Variants in EBF3 observed in about 807,000 individuals in gnomAD.
EBF3 encodes the protein transcription factor COE3.
In EBF3, 18 loss-of-function variants were observed where a neutral mutation model predicts 77.1. That is an observed-to-expected ratio of 0.23 (90% CI 0.16 to 0.35). The LOEUF (loss-of-function observed/expected upper bound fraction) is 0.35. EBF3 is among the 10% of genes least tolerant of loss of function. The pLI, the probability that EBF3 is intolerant of heterozygous loss-of-function variation, is 1.00. For synonymous variants in EBF3, 350 were observed against 343.5 expected, an observed-to-expected ratio of 1.02 and a Z score of -0.21; for missense variants, 558 against 860.0, an observed-to-expected ratio of 0.65 and a Z score of 4.39.
At chr10:129,890,128 T>A (rs766803442) in intron 6 of EBF3, among the ~76,000 whole-genome samples, 1 of 151,544 alleles carries the variant, frequency 6.6e-6, no homozygotes, top group Non-Finnish European at 1.5e-5. Flanking sequence ...ATCAGGGAGG[T>A]CTCTGGGAAC....
intron 6 of EBF3, among the ~76,000 whole-genome samples, chr10:129,900,404 G>C (rs1275704139): frequency 6.6e-6 from 1 of 152,132 alleles, no homozygotes; most frequent in Non-Finnish European, 1.5e-5. Context: ...GGGTAGGAGG[G>C]GGCTGGAGAG....
At chr10:129,907,246 G>A (rs748070780) in intron 6 of EBF3, among the ~76,000 whole-genome samples, 1 of 152,226 alleles carries the variant, frequency 6.6e-6, no homozygotes, top group Non-Finnish European at 1.5e-5. Flanking sequence ...GGGAGACCCT[G>A]GGCGAGGGCG....
At chr10:129,862,566 G>C (rs1851717540) in intron 10 of EBF3, among the ~76,000 whole-genome samples, 1 of 152,164 alleles carries the variant, frequency 6.6e-6, no homozygotes, top group Non-Finnish European at 1.5e-5. Context: ...CACGTCCCCA[G>C]GGTCCCATGA....
At position 129,848,502 on chromosome 10, in the gene EBF3, T is replaced by G. The variant is rs1435717642; in HGVS notation, c.1040-22A>C. The G allele has an allele frequency of 5.0e-6, 8 of 1,611,436 alleles. No homozygotes were observed. The African/African-American group carries it at 8.0e-5, about 16-fold the overall frequency. On this transcript the variant is annotated intron_variant, in intron 10 of 16. Transcript: ENST00000440978. The surrounding 1 kb of genome is among the most constrained non-coding windows in gnomAD (Gnocchi z 4.4). ...AGGGCTGCAACAGGACACAGAAATG[T>G]AGATCAGGTTAATTACTTTTATGTC...
At chr10:129,873,181 G>C (rs545564493) in intron 8 of EBF3, among the ~76,000 whole-genome samples, 16 of 152,328 alleles carry the variant, frequency 1.1e-4, no homozygotes, top group Admixed American at 5.2e-4. Context: ...AATTAAAATC[G>C]CAAGAAAAGC....
intron 10 of EBF3, among the ~76,000 whole-genome samples, chr10:129,853,937 A>C (rs1465903338): frequency 6.6e-6 from 1 of 152,204 alleles, no homozygotes; most frequent in East Asian, 1.9e-4. Context: ...TGAGCAAATG[A>C]TTGTGCGGTG....
chr10:129,857,791 T>G lies in EBF3; in HGVS notation c.1040-9311A>C, dbSNP rs369754761. Among the ~76,000 whole-genome samples, 93 of 152,224 alleles carry G rather than the reference T, an allele frequency of 6.1e-4. No individual in the cohort carries two copies. The East Asian group carries it at 0.012, about 20-fold the overall frequency. ...GTCACCCCACCTGATACCCCCACCA[T>G]GAGCGCCTATGAGAACCAGTAGCTT... On this transcript the variant is annotated intron_variant, in intron 10 of 16. Coordinates refer to ENST00000440978, the MANE Select transcript of EBF3 (RefSeq NM_001375380.1).
At chr10:129,927,153 G>A (rs1033784693) in intron 6 of EBF3, among the ~76,000 whole-genome samples, 5 of 152,176 alleles carry the variant, frequency 3.3e-5, no homozygotes, top group Non-Finnish European at 7.3e-5. Context: ...AACCGACCAG[G>A]CTCCCGGGCG....
rs889417117 is a variant in EBF3, at chr10:129,938,292, C to A, written c.554+18966G>T. ...CAATGGCTCTCATCTATAGTCCCAG[C>A]ACTTTGGAAGGCCAAGGGAGGCAGA... On this transcript the variant is annotated intron_variant, in intron 6 of 16. Transcript: ENST00000440978. This position sits in a 1 kb window ranked among gnomAD's most constrained non-coding sequence, Gnocchi z 5.1. Among the ~76,000 whole-genome samples the A allele has an allele frequency of 6.6e-6, 1 of 151,482 alleles. No individual in the cohort carries two copies. The highest frequency in any genetic ancestry group is 1.5e-5 in the Non-Finnish European group (1 of 67,972).
intron 16 of EBF3, among the ~76,000 whole-genome samples, chr10:129,838,807 A>T (rs1260264531): frequency 7.2e-5 from 11 of 152,230 alleles, no homozygotes; most frequent in Non-Finnish European, 1.6e-4. Context: ...TTCTCAGTTC[A>T]TTAATTTCAA....
intron 8 of EBF3, among the ~76,000 whole-genome samples, chr10:129,872,390 AAC>A (rs1852463144): frequency 6.6e-6 from 1 of 151,576 alleles, no homozygotes; most frequent in Non-Finnish European, 1.5e-5. Context: ...AATGTAGAAA[AAC>A]AAATTAGTTT....
intron 12 of EBF3, 80 bp downstream of exon 12, chr10:129,843,056 GC>G: frequency 2.2e-6 from 3 of 1,393,092 alleles, no homozygotes; most frequent in Non-Finnish European, 3.0e-6. Flanking sequence ...TGTCCAGAAA[GC>G]CCACACTGGA....
intron 7 of EBF3, among the ~76,000 whole-genome samples, chr10:129,874,410 T>C (rs1852614269): frequency 6.6e-6 from 1 of 152,176 alleles, no homozygotes; most frequent in East Asian, 1.9e-4. Flanking sequence ...GGGATGGCCT[T>C]GCAGACTCCA....
chr10:129,948,447 C>T (rs1406041434), intron 6 of EBF3, among the ~76,000 whole-genome samples: 2 of 152,000 alleles, frequency 1.3e-5, no homozygotes, highest in East Asian at 1.9e-4. Flanking sequence ...CTATTCTGCA[C>T]GGCACTGCGA....
intron 6 of EBF3, among the ~76,000 whole-genome samples, chr10:129,923,464 G>A (rs1451000854): frequency 6.6e-6 from 1 of 152,220 alleles, no homozygotes; most frequent in African/African-American, 2.4e-5. Context: ...GGGACAGAAT[G>A]GAGAGCCCAG....
At chr10:129,962,311 T>G in intron 3 of EBF3, 85 bp from the exon 4 acceptor site, 5 of 1,271,538 alleles carry the variant, frequency 3.9e-6, no homozygotes, top group Non-Finnish European at 5.7e-6. Context: ...AGTCTGTAAC[T>G]CAGGACTGCT....
chr10:129,926,343 G>C (rs1267648340), intron 6 of EBF3, among the ~76,000 whole-genome samples: 3 of 152,196 alleles, frequency 2.0e-5, no homozygotes, highest in African/African-American at 7.2e-5. Context: ...ACTGTGCAAG[G>C]CCTAGAGAGT....
At chr10:129,872,634 C>A (rs1426012467) in intron 8 of EBF3, among the ~76,000 whole-genome samples, 3 of 152,132 alleles carry the variant, frequency 2.0e-5, no homozygotes, top group Non-Finnish European at 4.4e-5. Context: ...TTGCAATTCA[C>A]TTAAAAAAAC....
At chr10:129,860,493 A>C (rs988783783) in intron 10 of EBF3, among the ~76,000 whole-genome samples, 4 of 152,160 alleles carry the variant, frequency 2.6e-5, no homozygotes, top group African/African-American at 9.7e-5. Flanking sequence ...CTTGACATGG[A>C]AACTTTGTGA....
Sources: allele counts gnomAD v4.1 joint callset (sites outside exome capture counted in the v4.1 genomes callset), GRCh38; gene constraint gnomAD v4.1.1; non-coding constraint Gnocchi (gnomAD v3.1); transcripts MANE v1.5; gene names NCBI Gene and HGNC (gene_info 2026-07-23, HGNC 2026-07-21).